Variants in SPTBN1 observed in about 807,000 individuals in gnomAD.
SPTBN1 encodes the protein spectrin beta, non-erythrocytic 1, also known as spectrin beta chain, non-erythrocytic 1.
In SPTBN1, 32 loss-of-function variants were observed where a neutral mutation model predicts 266.4. The observed-to-expected ratio is 0.12, with a 90% confidence interval of 0.09 to 0.16. The LOEUF is 0.16. Among genes scored for constraint, SPTBN1 ranks in the 10% least tolerant of loss-of-function variants. SPTBN1 has a pLI of 1.00. For synonymous variants in SPTBN1, 1,336 were observed against 1,162.2 expected (o/e 1.15, Z -3.04); for missense variants, 2,296 against 3,067.1 (o/e 0.75, Z 5.94).
chr2:54,511,015 G>A (rs922450555), intron 1 of SPTBN1, among the ~76,000 whole-genome samples: 1 of 152,334 alleles, frequency 6.6e-6, no homozygotes, highest in Middle Eastern at 3.4e-3. Context: ...GTGTGGTGAG[G>A]TATCCCCAGC....
Position 54,629,461 on chromosome 2 carries a change from A to T in SPTBN1, c.2327A>T (p.Glu776Val). Reference protein sequence around the residue: ...IVSSSDVGHDEYSTQSLVKKH... With the variant: ...IVSSSDVGHDVYSTQSLVKKH... ...TCCAGCAGCGACGTGGGCCACGATG[A>T]GTATTCCACACAGTCTCTGGTCAAG... The change falls in exon 14 of 36, where the codon GAG (glutamate) becomes GTG (valine). Residue 776 changes from glutamate to valine, a missense_variant. By Grantham distance (121) the Glu-to-Val change is moderately radical. Around this residue, in one of 12 missense-constraint regions of SPTBN1, gnomAD observed 434 missense variants for 573.9 expected, o/e 0.76. Coordinates refer to ENST00000356805, the MANE Select transcript of SPTBN1 (RefSeq NM_003128.3). 1 of 1,614,212 alleles carries T rather than the reference A, an allele frequency of 6.2e-7. No individual in the cohort carries two copies. The highest frequency in any genetic ancestry group is 8.5e-7 in the Non-Finnish European group (1 of 1,180,046).
chr2:54,476,393 A>G (rs1373607335), intron 1 of SPTBN1, among the ~76,000 whole-genome samples: 1 of 152,190 alleles, frequency 6.6e-6, no homozygotes, highest in African/African-American at 2.4e-5. Flanking sequence ...CGAATCCAGC[A>G]TTTCCCATCA....
At chr2:54,609,812 C>T (rs568491673) in intron 3 of SPTBN1, among the ~76,000 whole-genome samples, 9 of 152,166 alleles carry the variant, frequency 5.9e-5, no homozygotes, top group South Asian at 2.1e-4. Context: ...TTCAGAAAAC[C>T]GGTTGTCATT....
At chr2:54,469,811 T>C (rs1693824781) in intron 1 of SPTBN1, among the ~76,000 whole-genome samples, 1 of 152,214 alleles carries the variant, frequency 6.6e-6, no homozygotes, top group African/African-American at 2.4e-5. Context: ...GAGAGGGGCC[T>C]GGTCCTTCTC....
intron 3 of SPTBN1, among the ~76,000 whole-genome samples, chr2:54,610,180 C>T (rs548535684): frequency 6.6e-6 from 1 of 151,276 alleles, no homozygotes; most frequent in East Asian, 1.9e-4. Context: ...AGCCAAACCT[C>T]TTTCCGAAAT....
intron 32 of SPTBN1, chr2:54,660,684 C>T (rs1377911195): frequency 1.2e-4 from 119 of 985,300 alleles, no homozygotes; most frequent in Non-Finnish European, 1.4e-4. Flanking sequence ...ACCCTTGGGT[C>T]ATTTATTACT....
At chr2:54,519,851 G>A (rs889015114) in intron 1 of SPTBN1, among the ~76,000 whole-genome samples, 4 of 152,128 alleles carry the variant, frequency 2.6e-5, no homozygotes, top group African/African-American at 9.7e-5. Flanking sequence ...GTTACCTTAG[G>A]GCCACCCTGT....
intron 1 of SPTBN1, among the ~76,000 whole-genome samples, chr2:54,507,529 T>G (rs547895252): frequency 6.6e-6 from 1 of 152,166 alleles, no homozygotes; most frequent in South Asian, 2.1e-4. Context: ...ATAGAATGAT[T>G]GGTGATGGCC....
chr2:54,478,906 A>G (rs1439877789), intron 1 of SPTBN1, among the ~76,000 whole-genome samples: 2 of 142,072 alleles, frequency 1.4e-5, no homozygotes, highest in East Asian at 2.3e-4. Flanking sequence ...GTGTGTGTAT[A>G]TATATGTGTA....
At chr2:54,579,621 T>C (rs536419549) in intron 2 of SPTBN1, among the ~76,000 whole-genome samples, 1 of 149,446 alleles carries the variant, frequency 6.7e-6, no homozygotes, top group African/African-American at 2.4e-5. Flanking sequence ...TTGGCCCTGC[T>C]TTTGAACTGG....
chr2:54,479,603 G>A (rs939829184), intron 1 of SPTBN1, among the ~76,000 whole-genome samples: 2 of 152,172 alleles, frequency 1.3e-5, no homozygotes, highest in African/African-American at 4.8e-5. Context: ...AGATAACATG[G>A]TCACTCTAGT....
At chr2:54,637,196 A>G (rs1179777831) in intron 17 of SPTBN1, among the ~76,000 whole-genome samples, 5 of 152,134 alleles carry the variant, frequency 3.3e-5, no homozygotes, top group African/African-American at 1.2e-4. Context: ...TTGAGTTAGT[A>G]TATAGTCTTA....
At position 54,628,976 on chromosome 2, in the gene SPTBN1, C is replaced by G. The variant is rs1200792592; in HGVS notation, c.1842C>G (p.Ala614=). The change falls in exon 14 of 36, where the codon GCC becomes GCG. Residue 614 remains alanine, a synonymous_variant. Transcript: ENST00000356805. The surrounding 1 kb of genome is among the most constrained non-coding windows in gnomAD (Gnocchi z 4.3). The part of the protein sequence containing the change: ...CDPQVIRDRV[A]HMEFCYQELC... ...CCCAGGTGATCCGAGACCGCGTGGC[C>G]CACATGGAGTTCTGTTATCAAGAGC... 6.2e-7 allele frequency: 1 copy of G among 1,613,344 alleles called. No homozygotes were observed. Among genetic ancestry groups the G allele is most frequent in the Non-Finnish European group, 8.5e-7 (1 of 1,179,700 alleles).
At chr2:54,617,523 C>CT (rs1308738398) in intron 5 of SPTBN1, 85 bp from the exon 6 acceptor site, 1 of 1,292,928 alleles carries the variant, frequency 7.7e-7, no homozygotes, top group African/African-American at 1.5e-5. Context: ...TGCTTACAGA[C>CT]TTTTTATTAA....
At position 54,668,363 on chromosome 2, in the gene SPTBN1, A is replaced by G; in HGVS notation, c.6889A>G (p.Thr2297Ala). The G allele has an allele frequency of 6.2e-7, 1 of 1,614,144 alleles. No homozygotes were observed. The highest frequency in any genetic ancestry group is 8.5e-7 in the Non-Finnish European group (1 of 1,180,016). ...FQAKDDEEMN[T>A]WIQAISSAIS... ...TTCCTCTGTCCAGGAGGAAATGAAC[A>G]CATGGATCCAGGCTATCTCTTCCGC... The change falls in exon 36 of 36, where the codon ACA becomes GCA. Residue 2297 changes from threonine to alanine, a missense_variant. Transcript: ENST00000356805.
intron 1 of SPTBN1, among the ~76,000 whole-genome samples, chr2:54,480,557 G>T (rs761109828): frequency 5.9e-5 from 9 of 152,152 alleles, no homozygotes; most frequent in Non-Finnish European, 4.4e-5. Context: ...TAATCCGAAA[G>T]AATTTTTATT....
intron 2 of SPTBN1, among the ~76,000 whole-genome samples, chr2:54,598,877 A>T (rs1210816624): frequency 2.0e-5 from 3 of 152,154 alleles, no homozygotes; most frequent in Non-Finnish European, 2.9e-5. Context: ...ATCCCAGTAA[A>T]CCCATCGTAA....
At chr2:54,580,216 T>C (rs1189268325) in intron 2 of SPTBN1, among the ~76,000 whole-genome samples, 1 of 152,170 alleles carries the variant, frequency 6.6e-6, no homozygotes, top group Non-Finnish European at 1.5e-5. Flanking sequence ...AAAACCCCTT[T>C]TGAAGGTTAG....
intron 1 of SPTBN1, among the ~76,000 whole-genome samples, chr2:54,477,428 C>T (rs1174414168): frequency 4.0e-5 from 6 of 148,392 alleles, no homozygotes; most frequent in Non-Finnish European, 8.9e-5. Context: ...TTAATTAATT[C>T]ACTTTCTATT....
Sources: allele counts gnomAD v4.1 joint callset (sites outside exome capture counted in the v4.1 genomes callset), GRCh38; gene constraint gnomAD v4.1.1; regional missense constraint gnomAD v4.1.1; non-coding constraint Gnocchi (gnomAD v3.1); transcripts MANE v1.5; gene names NCBI Gene and HGNC (gene_info 2026-07-23, HGNC 2026-07-21).